Variants in FHIT observed in about 807,000 individuals in gnomAD.
FHIT encodes the protein bis(5'-adenosyl)-triphosphatase.
FHIT carries 19 observed loss-of-function variants against 17.9 expected under a neutral mutation model. That is an observed-to-expected ratio of 1.06 (90% CI 0.74 to 1.56). The LOEUF (loss-of-function observed/expected upper bound fraction) is 1.56, where lower values mean the gene tolerates loss of function less well. Ranked by LOEUF, FHIT falls within the 40% of genes most tolerant of loss-of-function variation. The pLI is 0.00. For synonymous variants in FHIT, 81 were observed against 69.7 expected, an observed-to-expected ratio of 1.16 and a Z score of -0.81; for missense variants, 248 against 189.2, an observed-to-expected ratio of 1.31 and a Z score of -1.82.
intron 5 of FHIT, among the ~76,000 whole-genome samples, chr3:60,320,818 T>G (rs139190913): frequency 6.6e-6 from 1 of 152,340 alleles, no homozygotes; most frequent in East Asian, 1.9e-4. Flanking sequence ...ATTAATATTT[T>G]AATCTTTCTG....
At chr3:60,572,291 ATTCC>A (rs1332601081) in intron 4 of FHIT, among the ~76,000 whole-genome samples, 2 of 150,774 alleles carry the variant, frequency 1.3e-5, no homozygotes, top group African/African-American at 4.9e-5. Flanking sequence ...TATATTTATA[ATTCC>A]TTCTAAATAT....
intron 5 of FHIT, among the ~76,000 whole-genome samples, chr3:60,479,628 C>A (rs1201095740): frequency 6.6e-6 from 1 of 152,152 alleles, no homozygotes; most frequent in African/African-American, 2.4e-5. Context: ...GATCAGTGCC[C>A]ATCTGTGGCC....
chr3:61,205,812 C>A (rs1576212683), intron 1 of FHIT, among the ~76,000 whole-genome samples: 1 of 151,618 alleles, frequency 6.6e-6, no homozygotes, highest in East Asian at 1.9e-4. Context: ...TGCAGAAGTG[C>A]TTTAGTTTAA....
At chr3:60,536,570 A>C in intron 5 of FHIT, 1 of 295,506 alleles carries the variant, frequency 3.4e-6, no homozygotes, top group Non-Finnish European at 6.2e-6. Context: ...TTATTTACTC[A>C]GCTATGGTAG....
At chr3:60,355,722 A>T (rs974294298) in intron 5 of FHIT, among the ~76,000 whole-genome samples, 8 of 151,976 alleles carry the variant, frequency 5.3e-5, no homozygotes, top group Admixed American at 1.3e-4. Flanking sequence ...TTTGTCACAA[A>T]TTTTTTTTTA....
chr3:60,924,328 C>T (rs540357482), intron 3 of FHIT, among the ~76,000 whole-genome samples: 14 of 152,290 alleles, frequency 9.2e-5, no homozygotes, highest in African/African-American at 3.4e-4. Context: ...AGACTGACAC[C>T]TCACACGGCC....
chr3:60,900,573 T>G (rs549760799), intron 3 of FHIT, among the ~76,000 whole-genome samples: 1 of 152,268 alleles, frequency 6.6e-6, no homozygotes, highest in East Asian at 1.9e-4. Flanking sequence ...CCAACCATAT[T>G]TGAGCCTGCA....
intron 1 of FHIT, among the ~76,000 whole-genome samples, chr3:61,234,529 CT>C (rs1358077615): frequency 5.9e-5 from 9 of 152,072 alleles, no homozygotes; most frequent in Non-Finnish European, 2.9e-5. Context: ...TGTCCATTTT[CT>C]GTTAGAAAAC....
chr3:60,846,826 CT>C (rs1289189948), intron 3 of FHIT, among the ~76,000 whole-genome samples: 48 of 147,626 alleles, frequency 3.3e-4, no homozygotes, highest in African/African-American at 5.4e-4. Context: ...CATAATCTTT[CT>C]TTTTTTTTTT....
At chr3:61,222,040 G>C (rs563158939) in intron 1 of FHIT, among the ~76,000 whole-genome samples, 2 of 152,182 alleles carry the variant, frequency 1.3e-5, no homozygotes, top group Non-Finnish European at 2.9e-5. Flanking sequence ...CCCAGTGCTC[G>C]GATGGCCCAG....
intron 4 of FHIT, among the ~76,000 whole-genome samples, chr3:60,686,352 C>G (rs1553698429): frequency 1.3e-5 from 2 of 152,126 alleles, no homozygotes; most frequent in Admixed American, 6.6e-5. Context: ...ACTGTTTCTT[C>G]AAATATTAGG....
chr3:60,324,310 G>A (rs1278329888), intron 5 of FHIT, among the ~76,000 whole-genome samples: 1 of 140,242 alleles, frequency 7.1e-6, no homozygotes, highest in African/African-American at 2.7e-5. Context: ...CTAAGGCCGG[G>A]CGCGATGGCT....
chr3:60,370,335 T>G (rs1039973003), intron 5 of FHIT, among the ~76,000 whole-genome samples: 6 of 152,214 alleles, frequency 3.9e-5, no homozygotes, highest in African/African-American at 1.4e-4. Flanking sequence ...TTCAGCTATC[T>G]TAGAAATTAA....
chr3:61,083,828 T>C (rs145312884), intron 2 of FHIT, among the ~76,000 whole-genome samples: 10 of 152,362 alleles, frequency 6.6e-5, no homozygotes, highest in African/African-American at 2.4e-4. Flanking sequence ...TTGCAGCATA[T>C]ATGAGTACTT....
chr3:60,503,137 C>T (rs1351019886), intron 5 of FHIT, among the ~76,000 whole-genome samples: 3 of 152,198 alleles, frequency 2.0e-5, no homozygotes, highest in African/African-American at 7.2e-5. Flanking sequence ...AAACTGCTTA[C>T]CTATCTGAGC....
intron 5 of FHIT, among the ~76,000 whole-genome samples, chr3:60,147,494 G>A (rs1334124588): frequency 6.6e-6 from 1 of 152,164 alleles, no homozygotes; most frequent in African/African-American, 2.4e-5. Context: ...CACCGTGGGT[G>A]TCATAATACA....
At chr3:59,989,956 T>G (rs1709155136) in intron 7 of FHIT, among the ~76,000 whole-genome samples, 1 of 151,778 alleles carries the variant, frequency 6.6e-6, no homozygotes, top group Non-Finnish European at 1.5e-5. Context: ...GAAGAAAGAG[T>G]CAAGAGACGG....
At chr3:59,881,629 G>A (rs1703414411) in intron 8 of FHIT, among the ~76,000 whole-genome samples, 1 of 152,122 alleles carries the variant, frequency 6.6e-6, no homozygotes, top group Non-Finnish European at 1.5e-5. Context: ...TAAAAAACTG[G>A]CTCTATGAAG....
chr3:60,644,120 A>G (rs1261292641), intron 4 of FHIT, among the ~76,000 whole-genome samples: 11 of 152,190 alleles, frequency 7.2e-5, no homozygotes, highest in Admixed American at 4.6e-4. Context: ...ACTTCCTCTT[A>G]CTATCCTGAA....
Sources: gnomAD v4.1 joint callset for allele counts (sites outside exome capture counted in the v4.1 genomes callset) on GRCh38, gnomAD v4.1.1 for gene constraint, MANE v1.5 for transcripts, NCBI Gene and HGNC (gene_info 2026-07-23, HGNC 2026-07-21) for gene names.